Variants in ITSN1 observed in about 807,000 individuals in gnomAD.
ITSN1 encodes the protein intersectin-1.
ITSN1 carries 58 observed loss-of-function variants against 239.8 expected under a neutral mutation model. The observed-to-expected ratio is 0.24, with a 90% CI of 0.20 to 0.30. The LOEUF (loss-of-function observed/expected upper bound fraction) is 0.30, where lower values mean the gene tolerates loss of function less well. Among genes scored for constraint, ITSN1 ranks in the 10% least tolerant of loss-of-function variants. The pLI, the probability that ITSN1 is intolerant of heterozygous loss-of-function variation, is 1.00. For missense variants in ITSN1, 1,558 were observed against 2,103.3 expected (o/e 0.74, Z 5.07); for synonymous variants, 780 against 770.8 (o/e 1.01, Z -0.20).
intron 19 of ITSN1, among the ~76,000 whole-genome samples, chr21:33,800,532 AAG>A (rs1365652662): frequency 1.3e-5 from 2 of 152,146 alleles, no homozygotes; most frequent in Non-Finnish European, 2.9e-5. Flanking sequence ...ATTATGTAAA[AAG>A]AGTAATGAAT....
rs1283061258 is a variant in ITSN1, at chr21:33,794,386, T to C, written c.1870T>C (p.Ser624Pro). The C allele has an allele frequency of 1.4e-5, 23 of 1,613,706 alleles. No individual in the cohort carries two copies. Among genetic ancestry groups the C allele is most frequent in the Non-Finnish European group, 1.9e-5 (22 of 1,179,928 alleles). The change falls in exon 17 of 40, where the codon TCC (serine) becomes CCC (proline). Residue 624 changes from serine (S) to proline (P), a missense_variant. By Grantham distance (74) the Ser-to-Pro change is moderately conservative. Around this residue, in one of 2 missense-constraint regions of ITSN1, gnomAD observed 982 missense variants for 1,209.9 expected, o/e 0.81. Coordinates refer to ENST00000381318, the MANE Select transcript of ITSN1 (RefSeq NM_003024.3). The stretch of plus-strand genomic sequence containing the variant: ...TAAGCAACAACTCCAGAAGCAAAAG[T>C]CCATGGAGGCTGAACGACTGAAACA... ...HNKQQLQKQK[S>P]MEAERLKQKE...
chr21:33,718,969 A>G (rs2147067192), intron 2 of ITSN1, 113 bp downstream of exon 2: 1 of 811,192 alleles, frequency 1.2e-6, no homozygotes, highest in East Asian at 2.6e-5. Context: ...ATCAGCATTC[A>G]TGTATTCCAT....
chr21:33,695,191 G>A (rs1485815086), intron 1 of ITSN1, among the ~76,000 whole-genome samples: 1 of 152,166 alleles, frequency 6.6e-6, no homozygotes, highest in Non-Finnish European at 1.5e-5. Flanking sequence ...TCCCACCAGT[G>A]GTGTGAGAGA....
intron 2 of ITSN1, among the ~76,000 whole-genome samples, chr21:33,719,879 A>G (rs935995124): frequency 6.6e-6 from 1 of 152,368 alleles, no homozygotes; most frequent in Admixed American, 6.5e-5. Context: ...CTTTTTAACA[A>G]AAATACTTAT....
At chr21:33,672,932 G>C (rs747592765) in intron 1 of ITSN1, among the ~76,000 whole-genome samples, 2 of 152,076 alleles carry the variant, frequency 1.3e-5, no homozygotes, top group East Asian at 1.9e-4. Flanking sequence ...GGATGGTCTC[G>C]ATCTCTTGAC....
At chr21:33,790,093 G>C (rs919580616) in intron 16 of ITSN1, among the ~76,000 whole-genome samples, 2 of 151,992 alleles carry the variant, frequency 1.3e-5, no homozygotes, top group South Asian at 2.1e-4. Flanking sequence ...CTTGATCAAA[G>C]ACCCCTTGAG....
chr21:33,821,276 G>A (rs2073658762), intron 24 of ITSN1, among the ~76,000 whole-genome samples: 1 of 81,128 alleles, frequency 1.2e-5, no homozygotes, highest in Admixed American at 1.5e-4. Context: ...TCTGATCTTA[G>A]TTTGTATTTA....
At chr21:33,798,880 AG>A (rs1054804289) in intron 18 of ITSN1, among the ~76,000 whole-genome samples, 1 of 151,910 alleles carries the variant, frequency 6.6e-6, no homozygotes, top group African/African-American at 2.4e-5. Flanking sequence ...ATTTTTTGAT[AG>A]TTTTTTTTTT....
intron 1 of ITSN1, among the ~76,000 whole-genome samples, chr21:33,710,875 G>C (rs987208395): frequency 8.7e-5 from 13 of 149,880 alleles, no homozygotes; most frequent in Non-Finnish European, 1.6e-4. Context: ...CTGCGATCTC[G>C]GCTCACTGCA....
At chr21:33,878,426 C>T (rs1984367362) in intron 34 of ITSN1, among the ~76,000 whole-genome samples, 1 of 152,190 alleles carries the variant, frequency 6.6e-6, no homozygotes, top group South Asian at 2.1e-4. Context: ...CTCTCTGTTT[C>T]TGTATACACA....
chr21:33,760,117 A>G (rs2068198213), intron 8 of ITSN1, among the ~76,000 whole-genome samples: 1 of 152,018 alleles, frequency 6.6e-6, no homozygotes, highest in Non-Finnish European at 1.5e-5. Flanking sequence ...CAAAAAAAAA[A>G]AAGAAAAGAA....
chr21:33,668,468 C>T (rs1267248554), intron 1 of ITSN1, among the ~76,000 whole-genome samples: 2 of 152,194 alleles, frequency 1.3e-5, no homozygotes, highest in East Asian at 1.9e-4. Flanking sequence ...GGCTGAAGGA[C>T]ATCCCCGCCT....
intron 14 of ITSN1, among the ~76,000 whole-genome samples, chr21:33,776,185 A>C (rs942200433): frequency 2.0e-5 from 3 of 152,274 alleles, no homozygotes; most frequent in Non-Finnish European, 4.4e-5. Context: ...TTTATGTGGA[A>C]ATGGTTTATT....
intron 9 of ITSN1, among the ~76,000 whole-genome samples, chr21:33,764,117 A>T (rs143270308): frequency 4.6e-4 from 70 of 152,314 alleles, no homozygotes; most frequent in African/African-American, 1.5e-3. Context: ...ACATTAATGG[A>T]GGTTGGTTGA....
chr21:33,682,906 T>TTTG (rs1472824204), intron 1 of ITSN1, among the ~76,000 whole-genome samples: 1 of 152,214 alleles, frequency 6.6e-6, no homozygotes, highest in Non-Finnish European at 1.5e-5. Flanking sequence ...TATTGCTTTA[T>TTTG]TTGTTATGTT....
intron 1 of ITSN1, among the ~76,000 whole-genome samples, chr21:33,707,558 C>A (rs1288734916): frequency 1.3e-5 from 2 of 152,198 alleles, no homozygotes; most frequent in Non-Finnish European, 2.9e-5. Flanking sequence ...CCTTTCTTCT[C>A]CTCCCATCTT....
intron 8 of ITSN1, among the ~76,000 whole-genome samples, chr21:33,759,495 A>G (rs995546653): frequency 6.6e-6 from 1 of 152,172 alleles, no homozygotes; most frequent in East Asian, 1.9e-4. Context: ...AGTAAGGGCA[A>G]TTGTTACAAG....
intron 33 of ITSN1, among the ~76,000 whole-genome samples, chr21:33,867,852 C>T (rs1981903139): frequency 6.6e-6 from 1 of 152,054 alleles, no homozygotes; most frequent in Non-Finnish European, 1.5e-5. Flanking sequence ...AGTGAAGCTG[C>T]AGACCTTCGC....
At chr21:33,660,910 A>G (rs1386763972) in intron 1 of ITSN1, among the ~76,000 whole-genome samples, 2 of 152,210 alleles carry the variant, frequency 1.3e-5, no homozygotes, top group African/African-American at 4.8e-5. Context: ...TCATTTGGAA[A>G]ATACTGGGTC....
Sources: gnomAD v4.1 joint callset for allele counts (sites outside exome capture counted in the v4.1 genomes callset) on GRCh38, gnomAD v4.1.1 for gene constraint, gnomAD v4.1.1 regional missense constraint, MANE v1.5 for transcripts, NCBI Gene and HGNC (gene_info 2026-07-23, HGNC 2026-07-21) for gene names.